The following NEO1 variants were observed in gnomAD, a reference collection of about 807,000 sequenced individuals.
NEO1 encodes neogenin.
Under a neutral mutation model 159.7 loss-of-function variants are expected in NEO1, and 63 were observed. The ratio of observed to expected loss-of-function variants is 0.39; its 90% CI spans 0.32 to 0.49. The LOEUF (loss-of-function observed/expected upper bound fraction) is 0.49. Ranked by LOEUF, NEO1 falls within the 20% of genes least tolerant of loss-of-function variation. The pLI is 0.85. For synonymous variants in NEO1, 633 were observed against 662.0 expected (o/e 0.96, Z 0.67); for missense variants, 1,615 against 1,831.0 (o/e 0.88, Z 2.15).
At chr15:73,226,297 C>T (rs907205872) in intron 7 of NEO1, among the ~76,000 whole-genome samples, 15 of 152,208 alleles carry the variant, frequency 9.9e-5, no homozygotes, top group Non-Finnish European at 1.8e-4. Flanking sequence ...CCGTCCAAGT[C>T]GGAGCTGCAG....
intron 14 of NEO1, 188 bp downstream of exon 14, chr15:73,259,064 A>G: frequency 1.9e-6 from 1 of 534,656 alleles, no homozygotes; most frequent in Non-Finnish European, 3.4e-6. Flanking sequence ...CTTGTAGAGA[A>G]CTGTCCTTTC....
At chr15:73,146,110 C>T (rs1287507399) in intron 5 of NEO1, among the ~76,000 whole-genome samples, 1 of 152,168 alleles carries the variant, frequency 6.6e-6, no homozygotes, top group Admixed American at 6.5e-5. Flanking sequence ...ACCCTTCTTC[C>T]ATTAGCTGTG....
chr15:73,259,111 A>T (rs1192271187), intron 14 of NEO1: 5 of 361,788 alleles, frequency 1.4e-5, no homozygotes, highest in Admixed American at 4.0e-5. Context: ...TGTATGTGCT[A>T]TAAGTTGGAT....
chr15:73,060,830 T>C (rs1172256248), intron 1 of NEO1, among the ~76,000 whole-genome samples: 2 of 151,062 alleles, frequency 1.3e-5, no homozygotes, highest in Non-Finnish European at 3.0e-5. Context: ...TGGGTATTTT[T>C]GTACAGACAG....
At chr15:73,233,887 T>A (rs2039041922) in intron 7 of NEO1, among the ~76,000 whole-genome samples, 1 of 152,220 alleles carries the variant, frequency 6.6e-6, no homozygotes, top group Non-Finnish European at 1.5e-5. Context: ...CTGGTTCATA[T>A]CAGCTTGGGG....
rs150549084 is a variant in NEO1, at chr15:73,179,386, T to G, written c.1291+959T>G. Among the ~76,000 whole-genome samples, 213 of 152,268 alleles carry G rather than the reference T, an allele frequency of 1.4e-3. 1 individual carries two copies. The highest frequency in any genetic ancestry group is 3.9e-3 in the South Asian group (19 of 4,832). On this transcript the variant is annotated intron_variant, in intron 7 of 28. Coordinates refer to ENST00000261908, the MANE Select transcript of NEO1 (RefSeq NM_002499.4). ...TTACTGGATGGCAGAGAAGTTGATG[T>G]GGTGTTTTGCTCTCTAAACTTGCTC...
At chr15:73,294,688 C>T (rs2151156358) in intron 26 of NEO1, among the ~76,000 whole-genome samples, 1 of 152,136 alleles carries the variant, frequency 6.6e-6, no homozygotes, top group South Asian at 2.1e-4. Context: ...TACAGGCACA[C>T]ACCACCACAC....
chr15:73,224,861 G>C (rs940825945), intron 7 of NEO1, among the ~76,000 whole-genome samples: 2 of 152,000 alleles, frequency 1.3e-5, no homozygotes, highest in South Asian at 2.1e-4. Context: ...GATTTTTTGG[G>C]GGGGGTGTTA....
At chr15:73,283,619 C>T (rs1251107900) in intron 23 of NEO1, among the ~76,000 whole-genome samples, 3 of 152,194 alleles carry the variant, frequency 2.0e-5, no homozygotes, top group Non-Finnish European at 4.4e-5. Flanking sequence ...CCAGGAAACC[C>T]AGCAGGATTG....
chr15:73,099,383 A>G (rs972657628), intron 1 of NEO1, among the ~76,000 whole-genome samples: 1 of 152,216 alleles, frequency 6.6e-6, no homozygotes, highest in African/African-American at 2.4e-5. Context: ...TGCACAGTTG[A>G]ATAGAAGAAT....
At chr15:73,204,326 G>A (rs1010607331) in intron 7 of NEO1, among the ~76,000 whole-genome samples, 2 of 151,392 alleles carry the variant, frequency 1.3e-5, no homozygotes, top group Non-Finnish European at 2.9e-5. Flanking sequence ...ATTGTGCTTG[G>A]TATCCTCTCA....
chr15:73,197,040 C>T (rs1267376864), intron 7 of NEO1, among the ~76,000 whole-genome samples: 1 of 152,022 alleles, frequency 6.6e-6, no homozygotes, highest in Admixed American at 6.6e-5. Context: ...TTTTGTCTAC[C>T]TTATCTGTCA....
Position 73,214,682 on chromosome 15 carries a change from A to G in NEO1, c.1292-21665A>G, listed in dbSNP as rs1028461618. On this transcript the variant is annotated intron_variant, in intron 7 of 28. Coordinates refer to ENST00000261908, the MANE Select transcript of NEO1 (RefSeq NM_002499.4). ...GCTGTTTTGGTGACTATGGCCTTATAGTATAGTTTGAAATCAGGTAGTGTG... is the reference window on the plus strand; with the variant it reads ...GCTGTTTTGGTGACTATGGCCTTATGGTATAGTTTGAAATCAGGTAGTGTG... 2.0e-5 allele frequency among the ~76,000 whole-genome samples: 3 copies of G among 152,086 alleles called. No homozygotes were observed. The South Asian group carries it at 6.2e-4, about 32-fold the overall frequency.
intron 1 of NEO1, among the ~76,000 whole-genome samples, chr15:73,092,869 T>A (rs2151455136): frequency 6.6e-6 from 1 of 152,346 alleles, no homozygotes. Context: ...AGTAAACCTA[T>A]ATTGATATAT....
At chr15:73,120,263 TTCTTA>T (rs949247385) in intron 2 of NEO1, among the ~76,000 whole-genome samples, 17 of 151,944 alleles carry the variant, frequency 1.1e-4, no homozygotes, top group African/African-American at 4.1e-4. Context: ...TCTTTGTTAA[TTCTTA>T]TCTTCTGATA....
At chr15:73,066,077 G>A (rs1431641632) in intron 1 of NEO1, among the ~76,000 whole-genome samples, 1 of 149,136 alleles carries the variant, frequency 6.7e-6, no homozygotes, top group African/African-American at 2.5e-5. Flanking sequence ...TGTCACCCAG[G>A]CTGGAGTGCA....
At chr15:73,150,994 A>T (rs1360834106) in intron 5 of NEO1, among the ~76,000 whole-genome samples, 2 of 152,118 alleles carry the variant, frequency 1.3e-5, no homozygotes, top group Non-Finnish European at 2.9e-5. Flanking sequence ...TTCTTTGTTA[A>T]TGAGTAGTAT....
In NEO1 at chr15:73,281,771, G is replaced by A. The variant is rs539547663; in HGVS notation, c.3263-1193G>A. 1.5e-4 allele frequency among the ~76,000 whole-genome samples: 23 copies of A among 152,298 alleles called. 1 individual carries two copies. The South Asian group carries it at 4.8e-3, about 32-fold the overall frequency. ...AGGAAAGAGATTAGATATCCATGGT[G>A]GTTAGACATGTGTGGTGGGATTTGC... On this transcript the variant is annotated intron_variant, in intron 22 of 28. Coordinates refer to ENST00000261908, the MANE Select transcript of NEO1 (RefSeq NM_002499.4).
At chr15:73,075,138 T>G (rs2068708331) in intron 1 of NEO1, among the ~76,000 whole-genome samples, 1 of 152,210 alleles carries the variant, frequency 6.6e-6, no homozygotes, top group Non-Finnish European at 1.5e-5. Context: ...AGTTATGCTT[T>G]AGACCATACA....
Sources: allele counts gnomAD v4.1 joint callset (sites outside exome capture counted in the v4.1 genomes callset), GRCh38; gene constraint gnomAD v4.1.1; transcripts MANE v1.5; gene names NCBI Gene and HGNC (gene_info 2026-07-23, HGNC 2026-07-21).